The following KLHL28 variants were observed in gnomAD, a reference collection of about 807,000 sequenced individuals.
KLHL28 encodes the protein kelch-like protein 28.
In KLHL28, 22 loss-of-function variants were observed where a neutral mutation model predicts 48.3. The ratio of observed to expected loss-of-function variants is 0.46; its 90% CI spans 0.33 to 0.65. The LOEUF (loss-of-function observed/expected upper bound fraction) is 0.65, where lower values mean the gene tolerates loss of function less well. Among genes scored for constraint, KLHL28 ranks in the 30% least tolerant of loss-of-function variants. KLHL28 has a pLI of 0.03. For synonymous variants in KLHL28, 243 were observed against 242.4 expected, an observed-to-expected ratio of 1.00 and a Z score of -0.02; for missense variants, 527 against 704.3, an observed-to-expected ratio of 0.75 and a Z score of 2.85.
intron 2 of KLHL28, among the ~76,000 whole-genome samples, chr14:44,935,906 T>TATATATATATATA (rs1429152138): frequency 1.2e-3 from 16 of 13,902 alleles, no homozygotes; most frequent in Middle Eastern, 0.036. Flanking sequence ...ATATATATCT[T>TATATATATATATA]TACCCTCCCC....
At chr14:44,940,831 T>G (rs1594573529) in intron 2 of KLHL28, among the ~76,000 whole-genome samples, 1 of 152,290 alleles carries the variant, frequency 6.6e-6, no homozygotes, top group South Asian at 2.1e-4. Flanking sequence ...TTTACTTATC[T>G]CTTTATTCAT....
chr14:44,939,278 G>A (rs896175146), intron 2 of KLHL28, among the ~76,000 whole-genome samples: 1 of 152,106 alleles, frequency 6.6e-6, no homozygotes, highest in Non-Finnish European at 1.5e-5. Flanking sequence ...AGACTACAAC[G>A]GGAGGTACAG....
chr14:44,932,714 T>C (rs532461704), intron 3 of KLHL28, among the ~76,000 whole-genome samples: 13 of 152,356 alleles, frequency 8.5e-5, no homozygotes, highest in African/African-American at 2.9e-4. Context: ...GTTGATGCAC[T>C]GCAGCAAGAC....
chr14:44,938,377 CT>C lies in KLHL28; in HGVS notation c.900-3820del, dbSNP rs530413999. On this transcript the variant is annotated intron_variant, in intron 2 of 4. Transcript: ENST00000396128. ...AACCCAACAAGGAAAACATTGTCTT[CT>C]TTTTTTTTTTTGAGACTGAGTCTCG... is the stretch of plus-strand genomic sequence containing the variant. 1.5e-3 allele frequency among the ~76,000 whole-genome samples: 218 copies of C among 146,060 alleles called. 1 individual carries two copies. Among genetic ancestry groups the C allele is most frequent in the East Asian group, 0.01 (51 of 5,034 alleles).
In KLHL28 at chr14:44,931,362, A is replaced by T; in HGVS notation, c.1523T>A (p.Val508Glu). 6.2e-7 allele frequency: 1 copy of T among 1,613,640 alleles called. No homozygotes were observed. The change falls in exon 4 of 5, where the codon GTG (valine) becomes GAG (glutamate). Residue 508 changes from valine (V) to glutamate (E), a missense_variant. Transcript: ENST00000396128. ...RYDPHQNQWT[V>E]CRPMKEPRTG... is the part of the protein sequence containing the mutation. ...TCTAGGTTCTTTCATTGGTCTACAC[A>T]CAGTCCACTGATTTTGATGAGGATC...
At chr14:44,955,466 T>C (rs1884754482) in intron 1 of KLHL28, among the ~76,000 whole-genome samples, 1 of 152,068 alleles carries the variant, frequency 6.6e-6, no homozygotes, top group Non-Finnish European at 1.5e-5. Flanking sequence ...GCTGATACCA[T>C]GTCTGGGGCA....
chr14:44,958,090 T>TTA (rs1351645391), intron 1 of KLHL28, among the ~76,000 whole-genome samples: 1 of 150,530 alleles, frequency 6.6e-6, no homozygotes, highest in African/African-American at 2.4e-5. Flanking sequence ...TTTTTTTTTT[T>TTA]AATGATAAAA....
rs1460938152 is a variant in KLHL28 at position 44,927,056 on chromosome 14, T to C, written c.*1972A>G. 3 of 152,632 alleles carry C rather than the reference T, an allele frequency of 2.0e-5. No individual in the cohort carries two copies. Among genetic ancestry groups the C allele is most frequent in the Non-Finnish European group, 4.4e-5 (3 of 68,018 alleles). 9.5% of individuals were successfully genotyped at this position (152,632 alleles called of 1,614,324 possible). A position where few individuals can be genotyped will look rare whatever the true frequency, so the allele number is the denominator to read the frequency against. On this transcript the variant is annotated 3_prime_UTR_variant, in exon 5 of 5. Transcript: ENST00000396128. ...CAAATCAATGAAAAAGTTATTGCTA[T>C]ATATTATTATGTTATTCAGACAAGC...
intron 2 of KLHL28, among the ~76,000 whole-genome samples, chr14:44,943,346 G>A (rs1594575710): frequency 6.6e-6 from 1 of 152,304 alleles, no homozygotes; most frequent in East Asian, 1.9e-4. Context: ...AACAATACTA[G>A]TTTCAGGTTA....
chr14:44,934,122 T>A lies in KLHL28; in HGVS notation c.1336A>T (p.Met446Leu). Residue 446 changes from methionine (M) to leucine (L), a missense_variant, in exon 3 of 5, where the codon ATG (methionine) becomes TTG (leucine). Transcript: ENST00000396128. Reference sequence around the variant, plus strand: ...AATTATTAAGTTAAATACCTGTTCATGTGGGCAGGACCATACCCACCAATG... The same window carrying A: ...AATTATTAAGTTAAATACCTGTTCAAGTGGGCAGGACCATACCCACCAATG... ...YAIGGYGPAH[M>L]NSVERYDPSK... 6.3e-7 allele frequency: 1 copy of A among 1,599,714 alleles called. No individual in the cohort carries two copies.
chr14:44,935,858 G>GTA (rs1179093515), intron 2 of KLHL28, among the ~76,000 whole-genome samples: 2 of 69,280 alleles, frequency 2.9e-5, no homozygotes, highest in Admixed American at 1.8e-4. Context: ...TTGCATGTAT[G>GTA]TATGTGTATG....
At chr14:44,952,936 G>C (rs1288322733) in intron 1 of KLHL28, among the ~76,000 whole-genome samples, 1 of 151,784 alleles carries the variant, frequency 6.6e-6, no homozygotes, top group Non-Finnish European at 1.5e-5. Context: ...GGAAAGAACA[G>C]GGAGTAAAAG....
intron 1 of KLHL28, among the ~76,000 whole-genome samples, chr14:44,954,698 T>C (rs1884723691): frequency 1.3e-5 from 2 of 152,306 alleles, no homozygotes; most frequent in African/African-American, 4.8e-5. Flanking sequence ...AGAGGAGGTA[T>C]GGAACTAAAA....
chr14:44,933,226 A>C (rs1474794306), intron 3 of KLHL28, among the ~76,000 whole-genome samples: 1 of 152,030 alleles, frequency 6.6e-6, no homozygotes, highest in Non-Finnish European at 1.5e-5. Flanking sequence ...GGCTGACTGT[A>C]TGCCCTGTCA....
chr14:44,927,743 A>G lies in KLHL28; in HGVS notation c.*1285T>C, dbSNP rs1427414631. The G allele has an allele frequency of 6.6e-6, 1 of 152,608 alleles. No homozygotes were observed. The highest frequency in any genetic ancestry group is 1.5e-5 in the Non-Finnish European group (1 of 67,998). The allele number at this position is 152,608 out of a possible 1,614,324, so 9.5% of individuals were successfully genotyped here. ...ACATCGAGTTCCAGTTTTCCTCAAT[A>G]ACCTTAAAATATTCAGTTACCTAAG... On this transcript the variant is annotated 3_prime_UTR_variant, in exon 5 of 5. Transcript: ENST00000396128.
At chr14:44,939,722 G>A (rs919293363) in intron 2 of KLHL28, among the ~76,000 whole-genome samples, 2 of 151,826 alleles carry the variant, frequency 1.3e-5, no homozygotes, top group African/African-American at 4.9e-5. Context: ...TTCTGATCAT[G>A]CCCACTTAAG....
In KLHL28 at chr14:44,926,870, GTATAA is replaced by G. The variant is rs1883391600; in HGVS notation, c.*2153_*2157del. 1 of 152,344 alleles carries G rather than the reference GTATAA, an allele frequency of 6.6e-6. No individual in the cohort carries two copies. The allele number at this position is 152,344 out of a possible 1,614,324, so 9.4% of individuals were successfully genotyped here. A position where few individuals can be genotyped will look rare whatever the true frequency, so the allele number is the denominator to read the frequency against. On this transcript the variant is annotated 3_prime_UTR_variant, in exon 5 of 5. Transcript: ENST00000396128. ...TTTTGGGAATAGGGGATTAAAAATA[GTATAA>G]TAGGATATATTTAATAATTTGATTG...
rs1883334265 is a variant in KLHL28, at chr14:44,925,091, G to A, written c.*3937C>T. ...AGTGCTGTTTACAAAGGGAAAAAAG[G>A]TTAAGAAGTAGAACTGGATGTTAAC... On this transcript the variant is annotated 3_prime_UTR_variant, in exon 5 of 5. Transcript: ENST00000396128. 6.6e-6 allele frequency: 1 copy of A among 152,544 alleles called. No individual in the cohort carries two copies. Among genetic ancestry groups the A allele is most frequent in the Non-Finnish European group, 1.5e-5 (1 of 67,962 alleles). 9.4% of individuals were successfully genotyped at this position (152,544 alleles called of 1,614,324 possible).
chr14:44,941,145 T>C (rs1435690446), intron 2 of KLHL28, among the ~76,000 whole-genome samples: 9 of 151,652 alleles, frequency 5.9e-5, no homozygotes, highest in African/African-American at 1.7e-4. Flanking sequence ...AAAACTCATG[T>C]CTCTCTCTTC....
Sources: allele counts gnomAD v4.1 joint callset (sites outside exome capture counted in the v4.1 genomes callset), GRCh38; gene constraint gnomAD v4.1.1; transcripts MANE v1.5; gene names NCBI Gene and HGNC (gene_info 2026-07-23, HGNC 2026-07-21).